PTPRN2: variants seen among roughly 807,000 people sequenced by gnomAD.
The protein encoded by PTPRN2 is receptor-type tyrosine-protein phosphatase N2.
PTPRN2 carries 74 observed loss-of-function variants against 118.8 expected under a neutral mutation model. The observed-to-expected ratio is 0.62, with a 90% CI of 0.52 to 0.76. PTPRN2 has a LOEUF of 0.76. PTPRN2 is among the 30% of genes least tolerant of loss of function. PTPRN2 has a pLI of 0.00. For synonymous variants in PTPRN2, 641 were observed against 608.0 expected, an observed-to-expected ratio of 1.05 and a Z score of -0.80; for missense variants, 1,481 against 1,394.4, an observed-to-expected ratio of 1.06 and a Z score of -0.99.
intron 2 of PTPRN2, among the ~76,000 whole-genome samples, chr7:158,460,676 G>A (rs781440955): frequency 1.4e-4 from 22 of 152,254 alleles, no homozygotes; most frequent in South Asian, 2.1e-4. Context: ...CCAAGCATAC[G>A]CAGTGCCATC....
At chr7:158,215,383 A>G (rs974755135) in intron 3 of PTPRN2, among the ~76,000 whole-genome samples, 6 of 152,178 alleles carry the variant, frequency 3.9e-5, no homozygotes, top group African/African-American at 1.4e-4. Context: ...ATAACCAAAG[A>G]TATAATATTC....
At chr7:157,766,404 A>G (rs1783028035) in intron 12 of PTPRN2, among the ~76,000 whole-genome samples, 1 of 149,168 alleles carries the variant, frequency 6.7e-6, no homozygotes, top group African/African-American at 2.5e-5. Context: ...ACCATCCCTC[A>G]TCTGTCAACC....
intron 12 of PTPRN2, among the ~76,000 whole-genome samples, chr7:157,685,882 T>G (rs1034979218): frequency 8.5e-5 from 13 of 152,080 alleles, no homozygotes; most frequent in African/African-American, 3.1e-4. Context: ...CCCGGCTCCC[T>G]GCTGCCTAGG....
At chr7:157,701,423 G>A (rs1430509593) in intron 12 of PTPRN2, among the ~76,000 whole-genome samples, 1 of 152,178 alleles carries the variant, frequency 6.6e-6, no homozygotes, top group Non-Finnish European at 1.5e-5. Context: ...AATAGTATCA[G>A]TCTTTCAAAA....
intron 3 of PTPRN2, among the ~76,000 whole-genome samples, chr7:158,276,127 A>G (rs181370447): frequency 1.5e-4 from 23 of 151,802 alleles, no homozygotes; most frequent in East Asian, 5.8e-4. Context: ...TTCCATCTGA[A>G]CCTTCCCTCC....
chr7:157,665,967 C>G (rs1204551625), intron 13 of PTPRN2, among the ~76,000 whole-genome samples: 1 of 152,174 alleles, frequency 6.6e-6, no homozygotes, highest in East Asian at 1.9e-4. Context: ...GGGACCATCA[C>G]ACACCACAGC....
At chr7:158,387,986 A>G (rs746019434) in intron 2 of PTPRN2, among the ~76,000 whole-genome samples, 6 of 152,080 alleles carry the variant, frequency 3.9e-5, no homozygotes, top group Non-Finnish European at 8.8e-5. Context: ...ATATCTATTT[A>G]TACACACACA....
At chr7:157,670,024 G>A (rs1461943107) in intron 13 of PTPRN2, among the ~76,000 whole-genome samples, 1 of 152,248 alleles carries the variant, frequency 6.6e-6, no homozygotes. Context: ...AGCATCCCTG[G>A]CCTCCAGATC....
chr7:158,341,547 TGCA>T (rs1806796721), intron 2 of PTPRN2, among the ~76,000 whole-genome samples: 4 of 19,062 alleles, frequency 2.1e-4, no homozygotes, highest in South Asian at 2.5e-3. Flanking sequence ...AGGTGACATC[TGCA>T]GACGTCACTC....
intron 11 of PTPRN2, among the ~76,000 whole-genome samples, chr7:157,966,530 ATCT>A (rs1370529156): frequency 6.6e-6 from 1 of 151,484 alleles, no homozygotes; most frequent in Non-Finnish European, 1.5e-5. Context: ...CACCACCATC[ATCT>A]TCATTATCAC....
intron 12 of PTPRN2, among the ~76,000 whole-genome samples, chr7:157,709,405 CTAA>C (rs1798487347): frequency 6.6e-6 from 1 of 152,200 alleles, no homozygotes; most frequent in Admixed American, 6.5e-5. Flanking sequence ...AGCTGAGAGC[CTAA>C]GTGAGGTGTG....
chr7:157,964,621 C>T lies in PTPRN2; in HGVS notation c.1724-65884G>A, dbSNP rs989401334. 1.4e-4 allele frequency among the ~76,000 whole-genome samples: 21 copies of T among 152,206 alleles called. No homozygotes were observed. The highest frequency in any genetic ancestry group is 9.2e-4 in the Admixed American group (14 of 15,288). On this transcript the variant is annotated intron_variant, in intron 11 of 22. Transcript: ENST00000389418. The surrounding 1 kb of genome is among the most constrained non-coding windows in gnomAD (Gnocchi z 9.0). ...CAGCAGGGCCCTTGAGTCTGTCTCA[C>T]GCCATTAACACCCTGTGATGGCCTT...
chr7:157,879,139 C>T (rs1057002806), intron 12 of PTPRN2, among the ~76,000 whole-genome samples: 26 of 134,426 alleles, frequency 1.9e-4, no homozygotes, highest in Non-Finnish European at 3.0e-4. Flanking sequence ...TCTCGGATTC[C>T]GTGGGGCTGG....
chr7:157,589,860 G>T (rs1017986090), intron 17 of PTPRN2, among the ~76,000 whole-genome samples: 1 of 152,236 alleles, frequency 6.6e-6, no homozygotes, highest in African/African-American at 2.4e-5. Context: ...TCCTTGTGAC[G>T]TCTGGGCTGA....
chr7:157,805,320 T>C (rs1021130919), intron 12 of PTPRN2, among the ~76,000 whole-genome samples: 12 of 149,320 alleles, frequency 8.0e-5, no homozygotes, highest in South Asian at 7.2e-4. Context: ...TGTGTGTGCG[T>C]GTGCAAATAC....
At chr7:157,973,050 G>A (rs981360163) in intron 11 of PTPRN2, among the ~76,000 whole-genome samples, 4 of 152,242 alleles carry the variant, frequency 2.6e-5, no homozygotes, top group African/African-American at 9.6e-5. Flanking sequence ...AGAGACCTCA[G>A]GAATTCCACA....
At chr7:157,648,096 A>T (rs1275936305) in intron 14 of PTPRN2, among the ~76,000 whole-genome samples, 2 of 72,082 alleles carry the variant, frequency 2.8e-5, no homozygotes, top group Admixed American at 1.5e-4. Flanking sequence ...GGTCAGACCC[A>T]TCCAGCGTGC....
chr7:158,106,835 G>A (rs1815728553), intron 10 of PTPRN2, among the ~76,000 whole-genome samples: 1 of 152,118 alleles, frequency 6.6e-6, no homozygotes, highest in Non-Finnish European at 1.5e-5. Context: ...ATGGCCCAGA[G>A]AGGAAAAGTC....
At chr7:157,711,959 A>G (rs1798651832) in intron 12 of PTPRN2, among the ~76,000 whole-genome samples, 1 of 103,902 alleles carries the variant, frequency 9.6e-6, no homozygotes, top group African/African-American at 4.2e-5. Context: ...TGCGTGGTGG[A>G]AGGGGGGCCG....
Sources: allele counts gnomAD v4.1 joint callset (sites outside exome capture counted in the v4.1 genomes callset), GRCh38; gene constraint gnomAD v4.1.1; non-coding constraint Gnocchi (gnomAD v3.1); transcripts MANE v1.5; gene names NCBI Gene and HGNC (gene_info 2026-07-23, HGNC 2026-07-21).